NEK9: variants seen among roughly 807,000 people sequenced by gnomAD.
NEK9 encodes the protein serine/threonine-protein kinase Nek9.
A neutral mutation model predicts 123.4 loss-of-function variants in NEK9; 75 were observed. That is an observed-to-expected ratio of 0.61 (90% CI 0.50 to 0.74). NEK9 has a LOEUF of 0.74. Among genes scored for constraint, NEK9 ranks in the 30% least tolerant of loss-of-function variants. The pLI, the probability that NEK9 is intolerant of heterozygous loss-of-function variation, is 0.00. For missense variants in NEK9, 952 were observed against 1,214.4 expected (o/e 0.78, Z 3.21); for synonymous variants, 438 against 458.7 (o/e 0.95, Z 0.58).
At chr14:75,114,760 TACC>T (rs926930492) in intron 6 of NEK9, among the ~76,000 whole-genome samples, 1 of 152,130 alleles carries the variant, frequency 6.6e-6, no homozygotes, top group African/African-American at 2.4e-5. Flanking sequence ...ATTATGGTAA[TACC>T]ACCACCACAT....
chr14:75,091,284 C>A lies in NEK9; in HGVS notation c.2428G>T (p.Gly810Cys). 1 of 1,609,886 alleles carries A rather than the reference C, an allele frequency of 6.2e-7. No homozygotes were observed. Among genetic ancestry groups the A allele is most frequent in the Non-Finnish European group, 8.5e-7 (1 of 1,178,522 alleles). Residue 810 changes from glycine to cysteine, a missense_variant, in exon 19 of 22, where the codon GGC (glycine) becomes TGC (cysteine). This residue lies in a region of NEK9 where 698 missense variants were observed against 875.6 expected (regional missense o/e 0.80). Coordinates refer to ENST00000238616, the MANE Select transcript of NEK9 (RefSeq NM_033116.6). ...AAAGGAATTACCTTTCGAAGCCAGC[C>A]AGGACAGGAGCTGCTGGCCCCATTA... is the stretch of plus-strand genomic sequence containing the variant. ...NSNGASSSCP[G>C]WLRKELENAE...
chr14:75,109,493 A>G (rs1413246959), intron 10 of NEK9, among the ~76,000 whole-genome samples, 192 bp downstream of exon 10: 2 of 152,168 alleles, frequency 1.3e-5, no homozygotes, highest in African/African-American at 2.4e-5. Flanking sequence ...AGGTGACCTA[A>G]TATGTACCAG....
At chr14:75,097,895 C>T (rs1048503114) in intron 16 of NEK9, among the ~76,000 whole-genome samples, 4 of 152,060 alleles carry the variant, frequency 2.6e-5, no homozygotes, top group African/African-American at 9.7e-5. Flanking sequence ...ACCCCTGCAG[C>T]TAGAACAAAG....
chr14:75,088,591 G>A lies in NEK9; in HGVS notation c.2493C>T (p.Leu831=). 1 of 1,614,066 alleles carries A rather than the reference G, an allele frequency of 6.2e-7. No homozygotes were observed. Residue 831 remains leucine (L), a synonymous_variant, in exon 20 of 22, where the codon CTC becomes CTT. Coordinates refer to ENST00000238616, the MANE Select transcript of NEK9 (RefSeq NM_033116.6). ...FIPMPDSPSP[L]SAAFSESEKD... is the part of the protein sequence containing the mutation. ...TCTCAGATTCTGAAAACGCTGCACT[G>A]AGAGGAGATGGGCTGTCAGGCATGG... is the stretch of plus-strand genomic sequence containing the variant.
rs766408650 is a variant in NEK9 at position 75,088,561 on chromosome 14, A to T, written c.2523T>A (p.Asp841Glu). ...LSAAFSESEKDTLPYEELQGL... is the reference protein window; with the variant it reads ...LSAAFSESEKETLPYEELQGL... ...CTTGCAGCTCTTCATAGGGCAGGGTATCTTTCTCAGATTCTGAAAACGCTG... is the reference window on the plus strand; with the variant it reads ...CTTGCAGCTCTTCATAGGGCAGGGTTTCTTTCTCAGATTCTGAAAACGCTG... Residue 841 changes from aspartate (D) to glutamate (E), a missense_variant, in exon 20 of 22, where the codon GAT (aspartate) becomes GAA (glutamate). By Grantham distance (45) the Asp-to-Glu change is conservative. Coordinates refer to ENST00000238616, the MANE Select transcript of NEK9 (RefSeq NM_033116.6). 6.2e-6 allele frequency: 10 copies of T among 1,614,110 alleles called. No individual in the cohort carries two copies. Among genetic ancestry groups the T allele is most frequent in the Non-Finnish European group, 8.5e-6 (10 of 1,179,988 alleles).
intron 5 of NEK9, 141 bp downstream of exon 5, chr14:75,118,689 G>A (rs1895221282): frequency 3.3e-6 from 2 of 612,530 alleles, no homozygotes; most frequent in South Asian, 4.1e-5. Flanking sequence ...GTGGGCCCAG[G>A]AAAAAGACTT....
At chr14:75,120,836 C>T (rs2139805644) in intron 3 of NEK9, 1 of 585,992 alleles carries the variant, frequency 1.7e-6, no homozygotes, top group Admixed American at 3.0e-5. Context: ...TAGGAAAATT[C>T]AGGAAGAATG....
intron 18 of NEK9, among the ~76,000 whole-genome samples, chr14:75,094,393 T>C (rs981806992): frequency 2.6e-5 from 4 of 152,208 alleles, no homozygotes; most frequent in African/African-American, 9.6e-5. Context: ...TGGCCTCAAG[T>C]AATCCTCCTG....
chr14:75,114,082 A>G (rs1895048485), intron 7 of NEK9, 121 bp downstream of exon 7: 1 of 664,298 alleles, frequency 1.5e-6, no homozygotes, highest in African/African-American at 1.8e-5. Context: ...TATAGCCACA[A>G]ATACACTCTA....
chr14:75,117,541 G>T (rs1162482949), intron 5 of NEK9, among the ~76,000 whole-genome samples: 1 of 152,176 alleles, frequency 6.6e-6, no homozygotes, highest in Admixed American at 6.5e-5. Context: ...GACAATCTCT[G>T]TGACAAAGGA....
chr14:75,126,323 AG>A (rs1356851078), intron 1 of NEK9, among the ~76,000 whole-genome samples: 8 of 152,128 alleles, frequency 5.3e-5, no homozygotes, highest in Non-Finnish European at 1.2e-4. Context: ...CATGAGAGGA[AG>A]GAAGTTTTGG....
intron 13 of NEK9, among the ~76,000 whole-genome samples, chr14:75,104,874 A>G (rs1206565910): frequency 6.6e-6 from 1 of 152,222 alleles, no homozygotes; most frequent in Non-Finnish European, 1.5e-5. Context: ...GCACCCTCTC[A>G]GTTTGTCTTA....
rs1257931471 is a variant in NEK9, at chr14:75,126,739, G to C, written c.183C>G (p.Gly61=). The change falls in exon 1 of 22, where the codon GGC becomes GGG. Residue 61 remains glycine, a synonymous_variant. Transcript: ENST00000238616. ...GGTACAGCGTGGCTTCCCCGAAGGC[G>C]CCGCGGCCCAGGACGCGGATGGGGA... is the stretch of plus-strand genomic sequence containing the variant. The part of the protein sequence containing the change: ...HYIPIRVLGR[G]AFGEATLYRR... The C allele has an allele frequency of 1.3e-6, 2 of 1,489,226 alleles. No homozygotes were observed. The highest frequency in any genetic ancestry group is 1.5e-5 in the African/African-American group (1 of 68,270). 92.3% of individuals were successfully genotyped at this position (1,489,226 alleles called of 1,614,324 possible).
At chr14:75,124,315 C>G in intron 1 of NEK9, 92 bp from the exon 2 acceptor site, 1 of 1,150,894 alleles carries the variant, frequency 8.7e-7, no homozygotes, top group African/African-American at 1.5e-5. Flanking sequence ...GGAAAACTTC[C>G]TAGAGGGGCA....
At chr14:75,123,931 G>GAT in intron 2 of NEK9, 115 bp downstream of exon 2, 1 of 875,972 alleles carries the variant, frequency 1.1e-6, no homozygotes, top group Non-Finnish European at 1.7e-6. Flanking sequence ...TTAAACTCTA[G>GAT]AAATTCATTT....
Position 75,083,463 on chromosome 14 carries a change from GGGTTT to G in NEK9, c.*1096_*1100del, listed in dbSNP as rs1402358374. The G allele has an allele frequency of 8.3e-5, 15 of 180,744 alleles. No individual in the cohort carries two copies. The highest frequency in any genetic ancestry group is 1.7e-4 in the Non-Finnish European group (15 of 87,380). 11.2% of individuals were successfully genotyped at this position (180,744 alleles called of 1,614,324 possible). ...TTCTGTTAGGCTTCAGGGACTCCCA[GGGTTT>G]GGTGCTGGCTTTGGGCCACTCAGGT... On this transcript the variant is annotated 3_prime_UTR_variant, in exon 22 of 22. Coordinates refer to ENST00000238616, the MANE Select transcript of NEK9 (RefSeq NM_033116.6).
chr14:75,101,045 T>A lies in NEK9; in HGVS notation c.1949A>T (p.Lys650Met). The change falls in exon 16 of 22, where the codon AAG (lysine) becomes ATG (methionine). Residue 650 changes from lysine (K) to methionine (M), a missense_variant. Lys to Met is a moderately conservative substitution (Grantham distance 95). Transcript: ENST00000238616. ...INLLGGPLGG[K>M]QVIRVSCGDE... ...ACCGCAGGAGACCCTGATCACTTGCTTCCCACCAAGGGGTCCCCCCAACAG... is the reference window on the plus strand; with the variant it reads ...ACCGCAGGAGACCCTGATCACTTGCATCCCACCAAGGGGTCCCCCCAACAG... 1 of 1,614,230 alleles carries A rather than the reference T, an allele frequency of 6.2e-7. No homozygotes were observed.
At chr14:75,115,582 G>GT (rs1417154917) in intron 6 of NEK9, among the ~76,000 whole-genome samples, 1 of 152,220 alleles carries the variant, frequency 6.6e-6, no homozygotes, top group African/African-American at 2.4e-5. Context: ...GAATCTCCGT[G>GT]TGGGGAATAT....
intron 14 of NEK9, among the ~76,000 whole-genome samples, chr14:75,102,035 A>T (rs997337007): frequency 2.0e-5 from 3 of 152,254 alleles, no homozygotes; most frequent in African/African-American, 7.2e-5. Context: ...TGAACTTTCC[A>T]TCCCAGAAGG....
Sources: gnomAD v4.1 joint callset for allele counts (sites outside exome capture counted in the v4.1 genomes callset) on GRCh38, gnomAD v4.1.1 for gene constraint, gnomAD v4.1.1 regional missense constraint, MANE v1.5 for transcripts, NCBI Gene and HGNC (gene_info 2026-07-23, HGNC 2026-07-21) for gene names.